MYT1L: variants seen among roughly 807,000 people sequenced by gnomAD.
MYT1L encodes myelin transcription factor 1-like protein.
MYT1L carries 12 observed loss-of-function variants against 126.7 expected under a neutral mutation model. The ratio of observed to expected loss-of-function variants is 0.09; its 90% confidence interval spans 0.06 to 0.15. The LOEUF is 0.15. Among genes scored for constraint, MYT1L ranks in the 10% least tolerant of loss-of-function variants. MYT1L has a pLI of 1.00. For synonymous variants in MYT1L, 541 were observed against 604.2 expected (o/e 0.90, Z 1.53); for missense variants, 979 against 1,585.2 (o/e 0.62, Z 6.49).
chr2:2,172,589 G>A (rs1393574287), intron 3 of MYT1L, among the ~76,000 whole-genome samples: 1 of 152,266 alleles, frequency 6.6e-6, no homozygotes, highest in Non-Finnish European at 1.5e-5. Flanking sequence ...AGGAGGGGCT[G>A]CCTGCAGCAA....
intron 22 of MYT1L, among the ~76,000 whole-genome samples, chr2:1,808,074 T>C (rs921021086): frequency 2.0e-5 from 3 of 152,184 alleles, no homozygotes; most frequent in Non-Finnish European, 4.4e-5. Flanking sequence ...TGCACCATGA[T>C]TGTAGGTTTC....
intron 18 of MYT1L, chr2:1,883,742 C>T (rs903556119): frequency 8.5e-5 from 13 of 152,138 alleles, no homozygotes; most frequent in African/African-American, 2.9e-4. Flanking sequence ...AACTGGGTGT[C>T]CCTCCTCCGT....
intron 11 of MYT1L, among the ~76,000 whole-genome samples, chr2:1,913,740 T>A (rs1000665189): frequency 6.6e-6 from 1 of 152,080 alleles, no homozygotes; most frequent in Non-Finnish European, 1.5e-5. Context: ...GAGGTCCAGA[T>A]GGCAAGTGCA....
chr2:2,149,926 A>T (rs140339193), intron 3 of MYT1L, among the ~76,000 whole-genome samples: 24 of 152,302 alleles, frequency 1.6e-4, no homozygotes, highest in African/African-American at 5.5e-4. Flanking sequence ...TCTGGACCAC[A>T]GCTTCCTACC....
intron 8 of MYT1L, among the ~76,000 whole-genome samples, chr2:1,956,549 C>CTATCTATCT (rs1553355524): frequency 2.2e-5 from 3 of 139,046 alleles, no homozygotes; most frequent in Admixed American, 7.2e-5. Flanking sequence ...ATCTATCTAT[C>CTATCTATCT]ATCTATCCTA....
chr2:2,136,914 T>C (rs1315229603), intron 3 of MYT1L, among the ~76,000 whole-genome samples: 2 of 152,332 alleles, frequency 1.3e-5, no homozygotes, highest in East Asian at 1.9e-4. Flanking sequence ...TGTTTGCAGA[T>C]GACATGATTG....
At chr2:1,831,782 G>A (rs777145747) in intron 21 of MYT1L, among the ~76,000 whole-genome samples, 9 of 152,074 alleles carry the variant, frequency 5.9e-5, no homozygotes, top group Non-Finnish European at 1.0e-4. Context: ...TCTTCATCAC[G>A]GCCTCTCCGC....
At chr2:1,878,609 C>T (rs572567096) in intron 18 of MYT1L, among the ~76,000 whole-genome samples, 2 of 152,286 alleles carry the variant, frequency 1.3e-5, no homozygotes, top group South Asian at 4.2e-4. Context: ...GAAATACGAT[C>T]AAGAATGCAC....
At chr2:1,823,576 G>A (rs1340069891) in intron 21 of MYT1L, among the ~76,000 whole-genome samples, 2 of 152,130 alleles carry the variant, frequency 1.3e-5, no homozygotes, top group Admixed American at 6.5e-5. Flanking sequence ...AAGCAGTGAC[G>A]AGGCTGGGTG....
chr2:1,813,013 C>T lies in MYT1L; in HGVS notation c.3081-3846G>A, dbSNP rs562401336. ...ACAAGGGTGACGCCTGGTCGGTCCA[C>T]GGTGCGTGTGGCCCAGCCCGGCTCA... is the stretch of plus-strand genomic sequence containing the variant. On this transcript the variant is annotated intron_variant, in intron 21 of 24. Transcript: ENST00000647738. Among the ~76,000 whole-genome samples, 4 of 152,292 alleles carry T rather than the reference C, an allele frequency of 2.6e-5. No individual in the cohort carries two copies. In the South Asian group the frequency reaches 8.3e-4, roughly 32 times the overall value.
chr2:1,821,870 T>C (rs1003095177), intron 21 of MYT1L, among the ~76,000 whole-genome samples: 3 of 152,236 alleles, frequency 2.0e-5, no homozygotes, highest in Non-Finnish European at 4.4e-5. Context: ...CAACGGCTCA[T>C]CCTGTTTCCA....
intron 5 of MYT1L, among the ~76,000 whole-genome samples, chr2:1,986,604 G>A (rs376680155): frequency 6.6e-6 from 1 of 152,212 alleles, no homozygotes; most frequent in Admixed American, 6.5e-5. Context: ...ATTCAAAAAA[G>A]GATGGTCTAG....
chr2:2,147,516 G>A (rs1267073439), intron 3 of MYT1L, among the ~76,000 whole-genome samples: 1 of 152,234 alleles, frequency 6.6e-6, no homozygotes, highest in African/African-American at 2.4e-5. Context: ...AACTCCAAGG[G>A]TAAATGAGGC....
intron 5 of MYT1L, among the ~76,000 whole-genome samples, chr2:1,987,530 T>C (rs1318156564): frequency 6.6e-6 from 1 of 152,184 alleles, no homozygotes; most frequent in Non-Finnish European, 1.5e-5. Flanking sequence ...GGGGCCCTCA[T>C]GCCCATTCCT....
At chr2:2,310,989 C>T (rs182261407) in intron 1 of MYT1L, among the ~76,000 whole-genome samples, 2 of 152,266 alleles carry the variant, frequency 1.3e-5, no homozygotes, top group African/African-American at 4.8e-5. Flanking sequence ...AAGAAATATT[C>T]TGCTTCATGG....
chr2:1,839,440 C>T, intron 20 of MYT1L, 70 bp from the exon 21 acceptor site: 1 of 1,357,164 alleles, frequency 7.4e-7, no homozygotes, highest in Non-Finnish European at 1.0e-6. Flanking sequence ...GTAACAAAGT[C>T]AGAATAACCC....
intron 21 of MYT1L, among the ~76,000 whole-genome samples, chr2:1,835,294 T>G (rs1332625594): frequency 6.6e-6 from 1 of 152,220 alleles, no homozygotes; most frequent in Non-Finnish European, 1.5e-5. Context: ...AACACTTACA[T>G]CAGCCTACAG....
chr2:1,936,161 G>C (rs1411985015), intron 9 of MYT1L, among the ~76,000 whole-genome samples: 2 of 152,150 alleles, frequency 1.3e-5, no homozygotes, highest in Non-Finnish European at 2.9e-5. Flanking sequence ...GACCTCAGGT[G>C]ATCTGTCCCC....
intron 3 of MYT1L, among the ~76,000 whole-genome samples, chr2:2,083,707 C>A (rs2076071492): frequency 6.6e-6 from 1 of 152,166 alleles, no homozygotes; most frequent in Non-Finnish European, 1.5e-5. Context: ...AGCACTGGGG[C>A]CAGGGATGTG....
Sources: gnomAD v4.1 joint callset for allele counts (sites outside exome capture counted in the v4.1 genomes callset) on GRCh38, gnomAD v4.1.1 for gene constraint, MANE v1.5 for transcripts, NCBI Gene and HGNC (gene_info 2026-07-23, HGNC 2026-07-21) for gene names.